The following TBC1D20 variants were observed in gnomAD, a reference collection of about 807,000 sequenced individuals.
TBC1D20 encodes TBC1 domain family member 20.
Under a neutral mutation model 41.6 loss-of-function variants are expected in TBC1D20, and 12 were observed. That is an observed-to-expected ratio of 0.29 (90% CI 0.18 to 0.47). The LOEUF (loss-of-function observed/expected upper bound fraction) is 0.47. TBC1D20 is among the 20% of genes least tolerant of loss of function. TBC1D20 has a pLI of 1.00. For synonymous variants in TBC1D20, 205 were observed against 204.8 expected (o/e 1.00, Z -0.01); for missense variants, 421 against 517.4 (o/e 0.81, Z 1.81).
chr20:459,600 T>C (rs1391350274), intron 1 of TBC1D20, among the ~76,000 whole-genome samples: 2 of 152,218 alleles, frequency 1.3e-5, no homozygotes, highest in African/African-American at 2.4e-5. Context: ...CAAAGGAAGA[T>C]AGGTATGACT....
Position 439,122 on chromosome 20 carries a change from T to C in TBC1D20, c.942A>G (p.Gln314=). Residue 314 remains glutamine, a synonymous_variant, in exon 7 of 8, where the codon CAA becomes CAG. Coordinates refer to ENST00000354200, the MANE Select transcript of TBC1D20 (RefSeq NM_144628.4). This position sits in a 1 kb window ranked among gnomAD's most constrained non-coding sequence, Gnocchi z 4.6. ...PSELAREAAA[Q]QQAERTAAST... The stretch of plus-strand genomic sequence containing the variant: ...GCCTTGCTCACCTCTCAGCTTGCTG[T>C]TGGGCAGCGGCCTCCCGAGCAAGTT... The C allele has an allele frequency of 6.2e-7, 1 of 1,612,480 alleles. No individual in the cohort carries two copies. The highest frequency in any genetic ancestry group is 8.5e-7 in the Non-Finnish European group (1 of 1,179,134).
chr20:448,760 C>T (rs1029917121), intron 1 of TBC1D20, among the ~76,000 whole-genome samples: 5 of 151,768 alleles, frequency 3.3e-5, no homozygotes, highest in African/African-American at 1.2e-4. Context: ...TAGGCAAAAC[C>T]GATCCTCCCA....
chr20:457,300 A>G (rs2017559772), intron 1 of TBC1D20, among the ~76,000 whole-genome samples: 1 of 152,128 alleles, frequency 6.6e-6, no homozygotes, highest in Non-Finnish European at 1.5e-5. Flanking sequence ...GCTGGAGTGC[A>G]GTGGCACAAT....
chr20:462,362 TG>T lies in TBC1D20; in HGVS notation c.43del (p.His15ThrfsTer26). On this transcript the variant is annotated frameshift_variant, in exon 1 of 8. Coordinates refer to ENST00000354200, the MANE Select transcript of TBC1D20 (RefSeq NM_144628.4). LOFTEE classifies it high-confidence loss of function. The stretch of plus-strand genomic sequence containing the variant: ...TGCCTTCTCCGCGCCGCCGTCCCAG[TG>T]GCCGGAGGTGGGGCCGTCGCCCTGC... The part of the protein sequence containing the change: ...SAQGDGPTSG[H>X]WDGGAEKADF... 1 of 1,304,432 alleles carries T rather than the reference TG, an allele frequency of 7.7e-7. No homozygotes were observed. The highest frequency in any genetic ancestry group is 3.6e-5 in the East Asian group (1 of 27,708). The allele number at this position is 1,304,432 out of a possible 1,614,324, so 80.8% of individuals were successfully genotyped here. A position where few individuals can be genotyped will look rare whatever the true frequency, so the allele number is the denominator to read the frequency against.
chr20:440,123 G>A, intron 6 of TBC1D20, 125 bp downstream of exon 6: 1 of 1,278,384 alleles, frequency 7.8e-7, no homozygotes, highest in South Asian at 1.5e-5. Context: ...GGTGTCCAGG[G>A]ACACCAGCCT....
intron 1 of TBC1D20, among the ~76,000 whole-genome samples, chr20:456,763 G>A (rs553191645): frequency 2.0e-5 from 3 of 148,300 alleles, no homozygotes; most frequent in African/African-American, 7.5e-5. Context: ...ACGGGGTTTT[G>A]CCATGTTGGC....
chr20:456,662 T>C (rs2017545275), intron 1 of TBC1D20, among the ~76,000 whole-genome samples: 1 of 152,214 alleles, frequency 6.6e-6, no homozygotes, highest in African/African-American at 2.4e-5. Context: ...CCTCCTGGGT[T>C]TGAGCAGTTC....
intron 1 of TBC1D20, among the ~76,000 whole-genome samples, chr20:461,026 T>C (rs1940563672): frequency 6.6e-6 from 1 of 151,862 alleles, no homozygotes; most frequent in Admixed American, 6.6e-5. Flanking sequence ...TATCAGAACA[T>C]AAGAAAAAGG....
intron 1 of TBC1D20, among the ~76,000 whole-genome samples, chr20:453,711 A>C (rs1482342058): frequency 1.4e-5 from 2 of 144,528 alleles, no homozygotes; most frequent in Non-Finnish European, 1.5e-5. Context: ...ATGCCTGGCT[A>C]ATTTTTTTTT....
chr20:454,236 C>CA (rs5839859), intron 1 of TBC1D20, among the ~76,000 whole-genome samples: 182 of 108,264 alleles, frequency 1.7e-3, no homozygotes, highest in South Asian at 4.6e-3. Flanking sequence ...AGTTCTGTCT[C>CA]AAAAAAAAAA....
chr20:441,433 T>TGGTGATG, intron 5 of TBC1D20, 155 bp downstream of exon 5: 1 of 652,158 alleles, frequency 1.5e-6, no homozygotes, highest in Admixed American at 2.5e-5. Flanking sequence ...AGAACTGAAT[T>TGGTGATG]ACCCAGATTG....
chr20:456,981 G>A (rs2017552022), intron 1 of TBC1D20, among the ~76,000 whole-genome samples: 1 of 142,958 alleles, frequency 7.0e-6, no homozygotes, highest in Non-Finnish European at 1.5e-5. Flanking sequence ...TTGTTGCCCA[G>A]GATGGAGTGC....
chr20:462,456 G>A lies in TBC1D20; in HGVS notation c.-51C>T, dbSNP rs1454208908. On this transcript the variant is annotated 5_prime_UTR_variant, in exon 1 of 8. Transcript: ENST00000354200. ...GAGCCCCGGCTGGTGGCGGAGCCGG[G>A]AGAAGACGCGGCTCCGACCGCGGGA... The A allele has an allele frequency of 8.2e-6, 9 of 1,097,878 alleles. No homozygotes were observed. The highest frequency in any genetic ancestry group is 1.0e-5 in the Non-Finnish European group (9 of 870,950). 68.0% of individuals were successfully genotyped at this position (1,097,878 alleles called of 1,614,324 possible). A position where few individuals can be genotyped will look rare whatever the true frequency, so the allele number is the denominator to read the frequency against.
intron 1 of TBC1D20, among the ~76,000 whole-genome samples, chr20:456,970 C>G (rs2017551804): frequency 7.4e-6 from 1 of 135,582 alleles, no homozygotes; most frequent in African/African-American, 2.8e-5. Context: ...GAGTTTCACT[C>G]TTGTTGCCCA....
chr20:456,898 G>T (rs558535366), intron 1 of TBC1D20, among the ~76,000 whole-genome samples: 62 of 150,254 alleles, frequency 4.1e-4, no homozygotes, highest in Non-Finnish European at 1.2e-4. Flanking sequence ...GTCAGGAAAG[G>T]CTTCACCAAG....
At chr20:448,766 T>A (rs542573266) in intron 1 of TBC1D20, among the ~76,000 whole-genome samples, 1 of 146,086 alleles carries the variant, frequency 6.8e-6, no homozygotes, top group African/African-American at 2.6e-5. Context: ...AAACCGATCC[T>A]CCCACCTCAG....
rs1399717969 is a variant in TBC1D20, at chr20:439,875, CTCT to C, written c.768+370_768+372del. Among the ~76,000 whole-genome samples, 1 of 152,220 alleles carries C rather than the reference CTCT, an allele frequency of 6.6e-6. No homozygotes were observed. Among genetic ancestry groups the C allele is most frequent in the Non-Finnish European group, 1.5e-5 (1 of 68,046 alleles). ...TCCCTTGTCTGTCATGACACCAGAT[CTCT>C]TCTTTTCTTAAATCTGGAGTTGACA... On this transcript the variant is annotated intron_variant, in intron 6 of 7. Transcript: ENST00000354200. The surrounding 1 kb of genome is among the most constrained non-coding windows in gnomAD (Gnocchi z 4.6).
rs539704109 is a variant in TBC1D20, at chr20:439,910, G to A, written c.768+338C>T. On this transcript the variant is annotated intron_variant, in intron 6 of 7. Transcript: ENST00000354200. The surrounding 1 kb of genome is among the most constrained non-coding windows in gnomAD (Gnocchi z 4.6). ...CTTAAATCTGGAGTTGACAGCTTAC[G>A]CTACTATTTCCCTAATTGTGTTCAT... Among the ~76,000 whole-genome samples the A allele has an allele frequency of 1.3e-5, 2 of 152,238 alleles. No individual in the cohort carries two copies. The highest frequency in any genetic ancestry group is 4.8e-5 in the African/African-American group (2 of 41,532).
chr20:443,662 G>A (rs983456244), intron 3 of TBC1D20, among the ~76,000 whole-genome samples: 11 of 152,272 alleles, frequency 7.2e-5, no homozygotes, highest in East Asian at 1.9e-4. Context: ...AAAGGAGTGA[G>A]AGTAAAAATT....
Sources: allele counts gnomAD v4.1 joint callset (sites outside exome capture counted in the v4.1 genomes callset), GRCh38; gene constraint gnomAD v4.1.1; non-coding constraint Gnocchi (gnomAD v3.1); transcripts MANE v1.5; gene names NCBI Gene and HGNC (gene_info 2026-07-23, HGNC 2026-07-21).